Variants in ADAM8 observed in about 807,000 individuals in gnomAD.
The protein encoded by ADAM8 is ADAM metallopeptidase domain 8.
Under a neutral mutation model 102.4 loss-of-function variants are expected in ADAM8, and 104 were observed. The ratio of observed to expected loss-of-function variants is 1.02; its 90% CI spans 0.87 to 1.20. The LOEUF is 1.20. ADAM8 is among the 50% of genes most tolerant of loss of function. The probability of loss-of-function intolerance (pLI) is 0.00; values close to 1 mark genes in which losing one functional copy is unlikely to be tolerated. For synonymous variants in ADAM8, 517 were observed against 485.2 expected (o/e 1.07, Z -0.86); for missense variants, 1,132 against 1,159.0 (o/e 0.98, Z 0.34).
In ADAM8 at chr10:133,271,304, A is replaced by G. The variant is rs1189360598; in HGVS notation, c.1285-15T>C. On this transcript the variant is annotated splice_polypyrimidine_tract_variant and intron_variant, in intron 12 of 22. Coordinates refer to ENST00000445355, the MANE Select transcript of ADAM8 (RefSeq NM_001109.5). ...TTCCGGCAGTCCTGGGGCGACGGCA[A>G]AGGCCTTGGCAGGCTGCACTGGGGC... The G allele has an allele frequency of 1.2e-6, 2 of 1,606,440 alleles. No individual in the cohort carries two copies. Among genetic ancestry groups the G allele is most frequent in the Admixed American group, 3.4e-5 (2 of 59,472 alleles).
intron 6 of ADAM8, 100 bp from the exon 7 acceptor site, chr10:133,273,119 G>A (rs1180005584): frequency 6.3e-7 from 1 of 1,592,878 alleles, no homozygotes; most frequent in Admixed American, 1.7e-5. Context: ...GTCCAGTGCT[G>A]GGGGAGCGTG....
At chr10:133,269,403 G>C in intron 18 of ADAM8, 42 bp downstream of exon 18, 4 of 1,470,096 alleles carry the variant, frequency 2.7e-6, no homozygotes, top group Non-Finnish European at 3.6e-6. Context: ...GGCCCTCTGA[G>C]CTTGGACCCC....
At chr10:133,275,277 C>T (rs1162502161) in intron 2 of ADAM8, among the ~76,000 whole-genome samples, 1 of 152,156 alleles carries the variant, frequency 6.6e-6, no homozygotes, top group Non-Finnish European at 1.5e-5. Flanking sequence ...TCCAGGGGTC[C>T]ATAGAGCTCC....
intron 1 of ADAM8, 61 bp downstream of exon 1, chr10:133,276,711 C>T: frequency 6.6e-7 from 1 of 1,515,968 alleles, no homozygotes; most frequent in Non-Finnish European, 8.8e-7. Flanking sequence ...CGCGTCGCGT[C>T]CTGCGGGGAG....
chr10:133,270,798 C>G lies in ADAM8; in HGVS notation c.1572G>C (p.Gln524His). ...QCQAFWGPGG[Q>H]AAEESCFSYD... ...AGGAGAAGCAGGACTCCTCGGCAGC[C>G]TGCCCACCTGTGGGACCAGAAGCGG... Residue 524 changes from glutamine to histidine, a missense_variant, in exon 15 of 23, where the codon CAG becomes CAC. Gln to His is a conservative substitution (Grantham distance 24). Coordinates refer to ENST00000445355, the MANE Select transcript of ADAM8 (RefSeq NM_001109.5). 1 of 1,606,808 alleles carries G rather than the reference C, an allele frequency of 6.2e-7. No individual in the cohort carries two copies. The highest frequency in any genetic ancestry group is 2.3e-5 in the East Asian group (1 of 44,372).
intron 19 of ADAM8, among the ~76,000 whole-genome samples, chr10:133,268,392 G>A (rs11101673): frequency 0.012 from 1,813 of 152,308 alleles, 37 homozygotes; most frequent in African/African-American, 0.042. Flanking sequence ...TGCTGTGTGG[G>A]GGTCCAGGTC....
intron 15 of ADAM8, 61 bp from the exon 16 acceptor site, chr10:133,270,571 G>T: frequency 2.6e-6 from 4 of 1,557,446 alleles, no homozygotes; most frequent in Non-Finnish European, 3.5e-6. Context: ...GAGCCCAGGA[G>T]CCACAGTGAC....
Position 133,263,109 on chromosome 10 carries a change from T to A in ADAM8, c.*47A>T, listed in dbSNP as rs762887142. 4.4e-6 allele frequency: 7 copies of A among 1,606,268 alleles called. No individual in the cohort carries two copies. The highest frequency in any genetic ancestry group is 6.0e-6 in the Non-Finnish European group (7 of 1,173,054). ...CCGTGGAATGCTGGAACGCATGGCT[T>A]CTCTGCCGCAACTTCTCCAAATTTC... On this transcript the variant is annotated 3_prime_UTR_variant, in exon 23 of 23. Coordinates refer to ENST00000445355, the MANE Select transcript of ADAM8 (RefSeq NM_001109.5).
Position 133,272,813 on chromosome 10 carries a change from C to T in ADAM8, c.690G>A (p.Val230=). ...CGCTGCCCACCTTGTCCACGTGATT[C>T]ACCACCTCCAGCACCCGATGACGCA... ...AAVRHRVLEV[V]NHVDKLYQKL... Residue 230 remains valine, a synonymous_variant, in exon 8 of 23, where the codon GTG becomes GTA. Coordinates refer to ENST00000445355, the MANE Select transcript of ADAM8 (RefSeq NM_001109.5). 1 of 1,610,460 alleles carries T rather than the reference C, an allele frequency of 6.2e-7. No individual in the cohort carries two copies.
intron 3 of ADAM8, 57 bp from the exon 4 acceptor site, chr10:133,274,086 G>C: frequency 6.3e-7 from 1 of 1,588,890 alleles, no homozygotes; most frequent in African/African-American, 1.3e-5. Flanking sequence ...GGCTGGCCCA[G>C]AGGCTGGACG....
intron 22 of ADAM8, 36 bp downstream of exon 22, chr10:133,263,652 A>G: frequency 4.9e-6 from 1 of 204,700 alleles, no homozygotes; most frequent in Non-Finnish European, 6.5e-6. Flanking sequence ...CGTCCATTGC[A>G]CAGTGGACTC....
intron 19 of ADAM8, among the ~76,000 whole-genome samples, chr10:133,268,330 G>A (rs1406245344): frequency 6.6e-6 from 1 of 152,258 alleles, no homozygotes; most frequent in Admixed American, 6.5e-5. Flanking sequence ...CAGGTGGGCG[G>A]GAGATGCTTG....
At position 133,270,801 on chromosome 10, in the gene ADAM8, C is replaced by T. The variant is rs1846495418; in HGVS notation, c.1569G>A (p.Gly523=). 1 of 1,606,426 alleles carries T rather than the reference C, an allele frequency of 6.2e-7. No individual in the cohort carries two copies. ...AGAAGCAGGACTCCTCGGCAGCCTGCCCACCTGTGGGACCAGAAGCGGGTT... is the reference window on the plus strand; with the variant it reads ...AGAAGCAGGACTCCTCGGCAGCCTGTCCACCTGTGGGACCAGAAGCGGGTT... ...QQCQAFWGPG[G]QAAEESCFSY... Residue 523 remains glycine, a synonymous_variant, in exon 15 of 23, where the codon GGG becomes GGA. Coordinates refer to ENST00000445355, the MANE Select transcript of ADAM8 (RefSeq NM_001109.5).
At position 133,262,920 on chromosome 10, in the gene ADAM8, G is replaced by A. The variant is rs181531266; in HGVS notation, c.*236C>T. 3.4e-4 allele frequency: 221 copies of A among 654,548 alleles called. No homozygotes were observed. Among genetic ancestry groups the A allele is most frequent in the Non-Finnish European group, 5.4e-4 (197 of 363,076 alleles). 40.5% of individuals were successfully genotyped at this position (654,548 alleles called of 1,614,324 possible). A position where few individuals can be genotyped will look rare whatever the true frequency, so the allele number is the denominator to read the frequency against. On this transcript the variant is annotated 3_prime_UTR_variant, in exon 23 of 23. Coordinates refer to ENST00000445355, the MANE Select transcript of ADAM8 (RefSeq NM_001109.5). The stretch of plus-strand genomic sequence containing the variant: ...ACCCGCAAGCACACAGCTCATCCCA[G>A]CCTGGTGCCTGCAGACAGCTGGGGC...
At chr10:133,272,031 G>C in intron 10 of ADAM8, 77 bp from the exon 11 acceptor site, 9 of 1,580,756 alleles carry the variant, frequency 5.7e-6, no homozygotes, top group Admixed American at 1.7e-5. Context: ...CCAGGGCCCA[G>C]GACTTGGCAC....
At chr10:133,272,699 C>T (rs3008323) in intron 8 of ADAM8, 99 bp downstream of exon 8, 1,372,353 of 1,534,706 alleles carry the variant, frequency 0.89, 614,121 homozygotes, top group East Asian at 0.94. Context: ...GGCACAGGTG[C>T]GGGGCAGAGC....
intron 18 of ADAM8, 90 bp from the exon 19 acceptor site, chr10:133,268,952 AC>A: frequency 1.6e-5 from 25 of 1,525,440 alleles, no homozygotes; most frequent in Non-Finnish European, 2.2e-5. Flanking sequence ...CTTTCTCAGC[AC>A]CCCCAGGCTG....
intron 6 of ADAM8, 76 bp from the exon 7 acceptor site, chr10:133,273,095 A>G: frequency 6.2e-7 from 1 of 1,606,120 alleles, no homozygotes; most frequent in Non-Finnish European, 8.5e-7. Context: ...ACCCGGGGCC[A>G]CTGTCCAGCC....
At position 133,276,847 on chromosome 10, in the gene ADAM8, A is replaced by T; in HGVS notation, c.-30T>A. The stretch of plus-strand genomic sequence containing the variant: ...GGGTCGGGGAGCAGAGGCGGAGGTG[A>T]CAGCCCCGCGGGACACGGTCTGGTT... On this transcript the variant is annotated 5_prime_UTR_variant, in exon 1 of 23. Coordinates refer to ENST00000445355, the MANE Select transcript of ADAM8 (RefSeq NM_001109.5). 1 of 1,514,156 alleles carries T rather than the reference A, an allele frequency of 6.6e-7. No individual in the cohort carries two copies. The allele number at this position is 1,514,156 out of a possible 1,614,324, so 93.8% of individuals were successfully genotyped here.
Sources: gnomAD v4.1 joint callset for allele counts (sites outside exome capture counted in the v4.1 genomes callset) on GRCh38, gnomAD v4.1.1 for gene constraint, MANE v1.5 for transcripts, NCBI Gene and HGNC (gene_info 2026-07-23, HGNC 2026-07-21) for gene names.